The following DST variants were observed in gnomAD, a reference collection of about 807,000 sequenced individuals.
DST encodes bullous pemphigoid antigen.
Under a neutral mutation model 875.2 loss-of-function variants are expected in DST, and 253 were observed. The observed-to-expected ratio is 0.29, with a 90% CI of 0.26 to 0.32. The LOEUF (loss-of-function observed/expected upper bound fraction) is 0.32. Ranked by LOEUF, DST falls within the 10% of genes least tolerant of loss-of-function variation. The pLI, the probability that DST is intolerant of heterozygous loss-of-function variation, is 1.00. For missense variants in DST, 8,287 were observed against 9,111.6 expected (o/e 0.91, Z 3.68); for synonymous variants, 3,124 against 3,197.1 (o/e 0.98, Z 0.77).
At position 56,554,073 on chromosome 6, in the gene DST, C is replaced by CTTTTTTT. The variant is rs555704557; in HGVS notation, c.15137-425_15137-419dup. ...AAATATGACTTTTTCGCGTCTATGA[C>CTTTTTTT]TTTTTTTTTTTTTTTTTTTTTTTTT... On this transcript the variant is annotated intron_variant, in intron 60 of 103. Transcript: ENST00000680361. 1.4e-4 allele frequency among the ~76,000 whole-genome samples: 11 copies of CTTTTTTT among 80,822 alleles called. 3 individuals are homozygous for CTTTTTTT. The highest frequency in any genetic ancestry group is 2.0e-4 in the African/African-American group (4 of 19,970). The allele number at this position is 80,822 out of a possible 152,430, so 53.0% of individuals were successfully genotyped here. A position where few individuals can be genotyped will look rare whatever the true frequency, so the allele number is the denominator to read the frequency against.
intron 3 of DST, among the ~76,000 whole-genome samples, chr6:56,895,271 T>C: frequency 2.5e-5 from 1 of 40,352 alleles, no homozygotes; most frequent in South Asian, 9.0e-4. Context: ...GACGGGGCGG[T>C]TGCCAGGCAG....
chr6:56,510,009 T>C (rs2152474387), intron 73 of DST, 136 bp from the exon 74 acceptor site: 1 of 703,822 alleles, frequency 1.4e-6, no homozygotes, highest in Non-Finnish European at 2.3e-6. Flanking sequence ...AACAGACCCA[T>C]TCAAAAGTTA....
intron 10 of DST, among the ~76,000 whole-genome samples, chr6:56,659,917 G>C (rs2099030008): frequency 1.3e-5 from 2 of 152,184 alleles, no homozygotes. Context: ...TAGGTGGAGA[G>C]AGGACTCCTG....
At chr6:56,858,475 G>A (rs1033671107) in intron 3 of DST, among the ~76,000 whole-genome samples, 3 of 152,174 alleles carry the variant, frequency 2.0e-5, no homozygotes, top group Admixed American at 6.5e-5. Context: ...TCCTCTAACT[G>A]TATGGTCTCT....
Position 56,463,631 on chromosome 6 carries a change from G to A in DST, c.22893C>T (p.Ser7631=), listed in dbSNP as rs2094444503. The change falls in exon 101 of 104, where the codon TCC becomes TCT. Residue 7631 remains serine, a synonymous_variant. Transcript: ENST00000680361. ...GCGCAGCCTGACTGGACACAGAAGT[G>A]GATCTGTTGGGTGAAGCGCCTCGTG... ...PSSRGASPNR[S]TSVSSQAAQA... The A allele has an allele frequency of 5.0e-6, 8 of 1,613,626 alleles. No individual in the cohort carries two copies. Among genetic ancestry groups the A allele is most frequent in the Non-Finnish European group, 6.8e-6 (8 of 1,179,662 alleles).
intron 61 of DST, among the ~76,000 whole-genome samples, chr6:56,542,129 C>G (rs2097137156): frequency 6.6e-6 from 1 of 152,112 alleles, no homozygotes; most frequent in African/African-American, 2.4e-5. Context: ...AAGACAAACA[C>G]AGGGACCTGG....
Position 56,606,003 on chromosome 6 carries a change from T to C in DST, c.8625A>G (p.Val2875=), listed in dbSNP as rs1028342307. 3.1e-6 allele frequency: 5 copies of C among 1,612,804 alleles called. No homozygotes were observed. Among genetic ancestry groups the C allele is most frequent in the Non-Finnish European group, 2.5e-6 (3 of 1,179,192 alleles). ...SCSSLEKQQR[V]NVVQLASPSE... is the part of the protein sequence containing the mutation. ...TAGGTGATGCTAGCTGTACAACATTTACCCTTTGCTGTTTTTCTAAAGAGC... is the reference window on the plus strand; with the variant it reads ...TAGGTGATGCTAGCTGTACAACATTCACCCTTTGCTGTTTTTCTAAAGAGC... The change falls in exon 40 of 104, where the codon GTA becomes GTG. Residue 2875 remains valine, a synonymous_variant. Coordinates refer to ENST00000680361, the MANE Select transcript of DST (RefSeq NM_001374736.1).
intron 3 of DST, among the ~76,000 whole-genome samples, chr6:56,889,306 T>C (rs2127657189): frequency 6.6e-6 from 1 of 152,346 alleles, no homozygotes. Context: ...AAATTTTCTT[T>C]CCAATCCTCA....
rs1289698914 is a variant in DST, at chr6:56,609,322, G to A, written c.5306C>T (p.Thr1769Ile). The change falls in exon 40 of 104, where the codon ACC (threonine) becomes ATC (isoleucine). Residue 1769 changes from threonine (T) to isoleucine (I), a missense_variant. By Grantham distance (89) the Thr-to-Ile change is moderately conservative. Coordinates refer to ENST00000680361, the MANE Select transcript of DST (RefSeq NM_001374736.1). The stretch of plus-strand genomic sequence containing the variant: ...GACTTCTCCAGTTGTCTGATCAATG[G>A]TGCCTGCAATCACTTTATCCAGCTG... ...EEKLDKVIAG[T>I]IDQTTGEVLS... 1.2e-6 allele frequency: 2 copies of A among 1,608,718 alleles called. No individual in the cohort carries two copies. Among genetic ancestry groups the A allele is most frequent in the Non-Finnish European group, 8.5e-7 (1 of 1,177,122 alleles).
chr6:56,923,093 C>A (rs62411423), intron 2 of DST, among the ~76,000 whole-genome samples: 8,161 of 151,986 alleles, frequency 0.054, 344 homozygotes, highest in East Asian at 0.17. Flanking sequence ...TAATAATATT[C>A]CAAGACTAAA....
Position 56,580,120 on chromosome 6 carries a change from G to A in DST, c.12904-1183C>T, listed in dbSNP as rs532586026. 3.3e-5 allele frequency among the ~76,000 whole-genome samples: 5 copies of A among 152,256 alleles called. No individual in the cohort carries two copies. In the East Asian group the frequency reaches 9.6e-4, roughly 29 times the overall value. On this transcript the variant is annotated intron_variant, in intron 49 of 103. Transcript: ENST00000680361. ...CCACTATGGTAGCTACCAACTACAG[G>A]TAGCTTTTAAAATTTAAATTAATTG...
intron 66 of DST, 35 bp downstream of exon 66, chr6:56,529,413 G>A: frequency 7.3e-7 from 1 of 1,378,070 alleles, no homozygotes; most frequent in Non-Finnish European, 9.5e-7. Context: ...CAATTGAAAT[G>A]AAAAAATAAG....
At chr6:56,693,177 A>G in intron 9 of DST, 1 of 1,247,180 alleles carries the variant, frequency 8.0e-7, no homozygotes, top group Non-Finnish European at 1.0e-6. Context: ...ACAGCTCCAT[A>G]GATTCACTCA....
intron 4 of DST, among the ~76,000 whole-genome samples, chr6:56,751,436 G>T (rs966518563): frequency 6.6e-6 from 1 of 151,726 alleles, no homozygotes; most frequent in African/African-American, 2.4e-5. Flanking sequence ...TTTCTTCAAA[G>T]AATATCTATT....
Position 56,511,355 on chromosome 6 carries a change from T to A in DST, c.18622A>T (p.Met6208Leu). ...IAEHKPHIDK[M>L]NKTGPQLLEL... ...AGTAACTGTGGCCCAGTTTTGTTCATCTTATCTATATGAGGCTTGTGTTCA... is the reference window on the plus strand; with the variant it reads ...AGTAACTGTGGCCCAGTTTTGTTCAACTTATCTATATGAGGCTTGTGTTCA... Residue 6208 changes from methionine (M) to leucine (L), a missense_variant, in exon 73 of 104, where the codon ATG becomes TTG. Physicochemically the swap from Met to Leu is conservative, Grantham distance 15. Coordinates refer to ENST00000680361, the MANE Select transcript of DST (RefSeq NM_001374736.1). 6.2e-7 allele frequency: 1 copy of A among 1,608,284 alleles called. No homozygotes were observed. The highest frequency in any genetic ancestry group is 1.1e-5 in the South Asian group (1 of 89,644).
intron 5 of DST, among the ~76,000 whole-genome samples, chr6:56,727,377 T>A (rs936880612): frequency 1.3e-5 from 2 of 152,152 alleles, no homozygotes; most frequent in Non-Finnish European, 2.9e-5. Context: ...TGGGCACACA[T>A]CCTCAACCTT....
At chr6:56,756,183 G>T (rs773688795) in intron 4 of DST, among the ~76,000 whole-genome samples, 1 of 152,102 alleles carries the variant, frequency 6.6e-6, no homozygotes, top group Non-Finnish European at 1.5e-5. Context: ...ATCTGGTACC[G>T]TGTAAAGGAG....
intron 47 of DST, among the ~76,000 whole-genome samples, chr6:56,597,340 T>C (rs1461842950): frequency 6.6e-6 from 1 of 152,122 alleles, no homozygotes; most frequent in Admixed American, 6.5e-5. Flanking sequence ...TTTCTAGATA[T>C]GTAACTTGAG....
chr6:56,607,896 G>A lies in DST; in HGVS notation c.6732C>T (p.Asn2244=). Residue 2244 remains asparagine (N), a synonymous_variant, in exon 40 of 104, where the codon AAC becomes AAT. Coordinates refer to ENST00000680361, the MANE Select transcript of DST (RefSeq NM_001374736.1). ...LEGCHAEFDG[N]TAIKECLDVL... ...CATCGAGACATTCTTTTATGGCTGT[G>A]TTTCCATCAAATTCTGCATGACAGC... 1 of 1,613,624 alleles carries A rather than the reference G, an allele frequency of 6.2e-7. No individual in the cohort carries two copies. The highest frequency in any genetic ancestry group is 8.5e-7 in the Non-Finnish European group (1 of 1,179,698).
Sources: gnomAD v4.1 joint callset for allele counts (sites outside exome capture counted in the v4.1 genomes callset) on GRCh38, gnomAD v4.1.1 for gene constraint, MANE v1.5 for transcripts, NCBI Gene and HGNC (gene_info 2026-07-23, HGNC 2026-07-21) for gene names.